SGCD: variants seen among roughly 807,000 people sequenced by gnomAD.
SGCD encodes delta-sarcoglycan.
Under a neutral mutation model 36.6 loss-of-function variants are expected in SGCD, and 18 were observed. The observed-to-expected ratio is 0.49, with a 90% CI of 0.34 to 0.73. The LOEUF is 0.73. Among genes scored for constraint, SGCD ranks in the 30% least tolerant of loss-of-function variants. SGCD has a pLI of 0.01. For synonymous variants in SGCD, 133 were observed against 130.6 expected (o/e 1.02, Z -0.12); for missense variants, 387 against 346.7 (o/e 1.12, Z -0.92).
At chr5:156,334,590 G>A (rs1333215422) in intron 2 of SGCD, among the ~76,000 whole-genome samples, 3 of 145,530 alleles carry the variant, frequency 2.1e-5, no homozygotes, top group African/African-American at 7.7e-5. Flanking sequence ...CCCAGCCCCT[G>A]GTACTGCTGG....
At chr5:155,863,151 C>G in the SGCD span, among the ~76,000 whole-genome samples, 2 of 152,162 alleles carry the variant, frequency 1.3e-5, no homozygotes, top group African/African-American at 4.8e-5. Flanking sequence ...TAAATTATAA[C>G]AATCCTGAGC....
chr5:155,865,435 A>G (rs1755504780), upstream of SGCD, among the ~76,000 whole-genome samples: 3 of 152,242 alleles, frequency 2.0e-5, no homozygotes, highest in East Asian at 1.9e-4. Flanking sequence ...TCATATAGGT[A>G]TGTAGTGGAA....
intron 1 of SGCD, among the ~76,000 whole-genome samples, chr5:155,915,470 A>C (rs1045104429): frequency 3.3e-5 from 5 of 152,202 alleles, no homozygotes; most frequent in Non-Finnish European, 7.4e-5. Flanking sequence ...CATAGGGCCT[A>C]GAAGAAAAAA....
At chr5:155,863,238 C>T in the SGCD span, among the ~76,000 whole-genome samples, 1 of 152,154 alleles carries the variant, frequency 6.6e-6, no homozygotes, top group Non-Finnish European at 1.5e-5. Flanking sequence ...TGCAGCCTGG[C>T]TTCCCACCTG....
intron 1 of SGCD, among the ~76,000 whole-genome samples, chr5:155,892,294 A>G (rs995283511): frequency 8.6e-5 from 13 of 151,924 alleles, no homozygotes; most frequent in Non-Finnish European, 1.8e-4. Flanking sequence ...CGTCTCTACT[A>G]AAAATACAAA....
At chr5:156,427,962 T>A (rs1417068256) in intron 3 of SGCD, among the ~76,000 whole-genome samples, 1 of 152,092 alleles carries the variant, frequency 6.6e-6, no homozygotes, top group Non-Finnish European at 1.5e-5. Flanking sequence ...AGGATTTTAG[T>A]GTCTGTGTTC....
At chr5:155,975,583 AT>A (rs1263351375) in intron 1 of SGCD, among the ~76,000 whole-genome samples, 1 of 108,912 alleles carries the variant, frequency 9.2e-6, no homozygotes, top group Non-Finnish European at 1.9e-5. Context: ...TCAGAGAATC[AT>A]GTGTTATTTA....
intron 1 of SGCD, among the ~76,000 whole-genome samples, chr5:155,901,195 C>T (rs1353858075): frequency 3.3e-5 from 5 of 151,630 alleles, no homozygotes; most frequent in Admixed American, 2.6e-4. Context: ...GCCTGTAATC[C>T]CAGCTACTTG....
intron 3 of SGCD, among the ~76,000 whole-genome samples, chr5:156,278,414 T>C (rs1366311695): frequency 1.3e-5 from 2 of 152,168 alleles, no homozygotes; most frequent in East Asian, 3.9e-4. Flanking sequence ...AGGAAATTAC[T>C]TGGAAATGTA....
intron 6 of SGCD, among the ~76,000 whole-genome samples, chr5:156,639,643 T>C (rs1762955406): frequency 6.6e-6 from 1 of 152,208 alleles, no homozygotes; most frequent in Non-Finnish European, 1.5e-5. Context: ...ACAGTCTGCC[T>C]TCAGCTTTTG....
At chr5:155,874,508 T>C (rs577348096) in intron 1 of SGCD, among the ~76,000 whole-genome samples, 1 of 152,210 alleles carries the variant, frequency 6.6e-6, no homozygotes, top group South Asian at 2.1e-4. Context: ...TTGCAAAGCA[T>C]ATATAAACAA....
intron 1 of SGCD, among the ~76,000 whole-genome samples, chr5:156,094,768 C>T (rs149522009): frequency 8.5e-5 from 13 of 152,158 alleles, no homozygotes; most frequent in African/African-American, 2.2e-4. Flanking sequence ...TTTGGGAGGC[C>T]GAGGCGGGCA....
the SGCD span, among the ~76,000 whole-genome samples, chr5:155,747,953 A>C: frequency 1.3e-5 from 2 of 152,282 alleles, no homozygotes; most frequent in Non-Finnish European, 1.5e-5. Context: ...CATTTCAGAA[A>C]AGGCAAATCT....
In SGCD at chr5:156,429,714, T is replaced by C. The variant is rs544591581; in HGVS notation, c.193-78887T>C. Among the ~76,000 whole-genome samples, 41 of 152,264 alleles carry C rather than the reference T, an allele frequency of 2.7e-4. No individual in the cohort carries two copies. In the South Asian group the frequency reaches 7.0e-3, roughly 26 times the overall value. The stretch of plus-strand genomic sequence containing the variant: ...AGCATTTCTTGTAGTGCTGATCTGG[T>C]AGTGGCAAATTCTCTCAGCATTTGT... On this transcript the variant is annotated intron_variant, in intron 3 of 8. Transcript: ENST00000337851.
chr5:156,134,224 C>T (rs2127607532), intron 3 of SGCD, among the ~76,000 whole-genome samples: 1 of 152,228 alleles, frequency 6.6e-6, no homozygotes, highest in East Asian at 1.9e-4. Flanking sequence ...CCAGCATTTT[C>T]CTCATATTTA....
chr5:155,946,733 G>A lies in SGCD; in HGVS notation c.-282+76309G>A, dbSNP rs143417040. 2.7e-3 allele frequency among the ~76,000 whole-genome samples: 404 copies of A among 152,266 alleles called. 2 individuals are homozygous for A. The highest frequency in any genetic ancestry group is 3.2e-3 in the Admixed American group (49 of 15,294). Reference sequence around the variant, plus strand: ...TTCCTCAGCCACTAAACTAGTTATAGCATATCTCCAAAATGTGTGGCTGAC... The same window carrying A: ...TTCCTCAGCCACTAAACTAGTTATAACATATCTCCAAAATGTGTGGCTGAC... On this transcript the variant is annotated intron_variant, in intron 1 of 9. Transcript: ENST00000517913.
the SGCD span, among the ~76,000 whole-genome samples, chr5:155,748,565 A>G: frequency 6.6e-6 from 1 of 152,154 alleles, no homozygotes; most frequent in Non-Finnish European, 1.5e-5. Flanking sequence ...GTGTGGTCAG[A>G]GTTTTGATTT....
intron 2 of SGCD, among the ~76,000 whole-genome samples, chr5:156,122,974 A>G (rs1028032231): frequency 1.3e-5 from 2 of 151,584 alleles, no homozygotes; most frequent in African/African-American, 4.8e-5. Flanking sequence ...GACAGGAATC[A>G]AGGTTTACTT....
intron 3 of SGCD, among the ~76,000 whole-genome samples, chr5:156,305,201 C>T (rs1196835500): frequency 6.6e-6 from 1 of 152,146 alleles, no homozygotes; most frequent in Non-Finnish European, 1.5e-5. Context: ...TGTCAGAGGT[C>T]TTCAAGGCAT....
Sources: gnomAD v4.1 joint callset for allele counts (sites outside exome capture counted in the v4.1 genomes callset) on GRCh38, gnomAD v4.1.1 for gene constraint, MANE v1.5 for transcripts, NCBI Gene and HGNC (gene_info 2026-07-23, HGNC 2026-07-21) for gene names.